The following NRG1 variants were observed in gnomAD, a reference collection of about 807,000 sequenced individuals.
NRG1 encodes neuregulin 1.
NRG1 carries 18 observed loss-of-function variants against 63.8 expected under a neutral mutation model. The observed-to-expected ratio is 0.28, with a 90% CI of 0.19 to 0.42. The LOEUF (loss-of-function observed/expected upper bound fraction) is 0.42. Among genes scored for constraint, NRG1 ranks in the 10% least tolerant of loss-of-function variants. The pLI is 1.00. For synonymous variants in NRG1, 302 were observed against 301.3 expected, an observed-to-expected ratio of 1.00 and a Z score of -0.02; for missense variants, 762 against 814.7, an observed-to-expected ratio of 0.94 and a Z score of 0.79.
chr8:32,660,369 G>T (rs1802550858), intron 5 of NRG1, among the ~76,000 whole-genome samples: 1 of 152,156 alleles, frequency 6.6e-6, no homozygotes, highest in Non-Finnish European at 1.5e-5. Flanking sequence ...TACACTGAGG[G>T]TAACTTGCTT....
chr8:32,760,823 C>T (rs1830560630), intron 11 of NRG1: 3 of 1,015,732 alleles, frequency 3.0e-6, no homozygotes, highest in East Asian at 8.6e-5. Context: ...GAGCTGGCCT[C>T]GTGTTCTTAT....
intron 5 of NRG1, among the ~76,000 whole-genome samples, chr8:32,642,564 A>G (rs1463207133): frequency 6.6e-6 from 1 of 152,218 alleles, no homozygotes; most frequent in Non-Finnish European, 1.5e-5. Context: ...GCAAGTTTTG[A>G]AAGTCAACTT....
At position 32,742,769 on chromosome 8, in the gene NRG1, G is replaced by A. The variant is rs1281378682; in HGVS notation, c.691+36G>A. Reference sequence around the variant, plus strand: ...TCCCTTTCTGTCTCTGCCTGAATAGGAGCATGCTCAGTTGGTGCTGCTTTC... The same window carrying A: ...TCCCTTTCTGTCTCTGCCTGAATAGAAGCATGCTCAGTTGGTGCTGCTTTC... On this transcript the variant is annotated intron_variant, in intron 7 of 11. Transcript: ENST00000356819. The surrounding 1 kb of genome is among the most constrained non-coding windows in gnomAD (Gnocchi z 4.2). 3 of 1,613,532 alleles carry A rather than the reference G, an allele frequency of 1.9e-6. No homozygotes were observed. The highest frequency in any genetic ancestry group is 2.2e-5 in the East Asian group (1 of 44,864).
intron 1 of NRG1, among the ~76,000 whole-genome samples, chr8:31,804,527 G>A (rs1193733774): frequency 6.6e-6 from 1 of 152,118 alleles, no homozygotes; most frequent in East Asian, 1.9e-4. Context: ...CAGGAACACA[G>A]AACCTATAAT....
At chr8:32,032,597 A>G (rs1458800613) in intron 1 of NRG1, among the ~76,000 whole-genome samples, 3 of 152,172 alleles carry the variant, frequency 2.0e-5, no homozygotes, top group African/African-American at 4.8e-5. Flanking sequence ...GTGTCTGTTC[A>G]TGTCCTTTGC....
intron 1 of NRG1, among the ~76,000 whole-genome samples, chr8:32,519,543 G>T (rs973647824): frequency 4.6e-5 from 7 of 152,018 alleles, no homozygotes; most frequent in Non-Finnish European, 1.0e-4. Flanking sequence ...CATTTTCAGA[G>T]TTGGATAGAA....
chr8:31,828,269 C>T (rs556534789), intron 1 of NRG1, among the ~76,000 whole-genome samples: 36 of 152,268 alleles, frequency 2.4e-4, no homozygotes, highest in African/African-American at 6.5e-4. Flanking sequence ...CAATAATTGA[C>T]GATGAGTGAC....
In NRG1 at chr8:31,960,343, G is replaced by A. The variant is rs140590242; in HGVS notation, c.37+320912G>A. ...TGTGGGAACAAACGAGTTCATATAG[G>A]GAGTGAGTGAGGAGGGAGACTTCAG... On this transcript the variant is annotated intron_variant, in intron 1 of 10. Coordinates refer to the NRG1 transcript ENST00000519301. 3.3e-3 allele frequency among the ~76,000 whole-genome samples: 502 copies of A among 152,234 alleles called. 2 individuals carry two copies. The highest frequency in any genetic ancestry group is 0.021 in the South Asian group (103 of 4,818).
intron 1 of NRG1, among the ~76,000 whole-genome samples, chr8:31,912,947 G>A (rs1833070694): frequency 6.6e-6 from 1 of 152,108 alleles, no homozygotes; most frequent in South Asian, 2.1e-4. Flanking sequence ...GTGCTGTTTT[G>A]ATGATAGGTA....
intron 1 of NRG1, among the ~76,000 whole-genome samples, chr8:32,101,545 G>A (rs1189281232): frequency 1.4e-5 from 2 of 147,032 alleles, no homozygotes; most frequent in African/African-American, 5.0e-5. Flanking sequence ...CCTAGACTGT[G>A]TTGTTTTCTT....
chr8:31,660,982 T>A (rs929596887), intron 1 of NRG1, among the ~76,000 whole-genome samples: 4 of 152,208 alleles, frequency 2.6e-5, no homozygotes, highest in African/African-American at 9.6e-5. Flanking sequence ...TTATAAATTT[T>A]TCTGACATGT....
At chr8:32,569,196 C>T (rs1838044683) in intron 1 of NRG1, among the ~76,000 whole-genome samples, 1 of 152,212 alleles carries the variant, frequency 6.6e-6, no homozygotes, top group Middle Eastern at 3.4e-3. Context: ...ATTACAGGCG[C>T]ACACCACCAC....
chr8:32,182,941 C>T (rs538214005), intron 1 of NRG1, among the ~76,000 whole-genome samples: 1 of 152,062 alleles, frequency 6.6e-6, no homozygotes, highest in East Asian at 1.9e-4. Flanking sequence ...TTATTTCTAT[C>T]AAGGAAATGG....
chr8:32,246,197 G>A (rs1292119615), intron 1 of NRG1, among the ~76,000 whole-genome samples: 1 of 152,172 alleles, frequency 6.6e-6, no homozygotes, highest in Non-Finnish European at 1.5e-5. Context: ...TATTTGCAAA[G>A]CATAGACTTC....
At chr8:32,399,630 C>T (rs1191051529) in intron 1 of NRG1, among the ~76,000 whole-genome samples, 1 of 152,076 alleles carries the variant, frequency 6.6e-6, no homozygotes, top group Non-Finnish European at 1.5e-5. Flanking sequence ...ACTTGAACCC[C>T]AGGGCAAAGG....
intron 1 of NRG1, among the ~76,000 whole-genome samples, chr8:31,644,103 A>T (rs911248643): frequency 5.9e-5 from 9 of 152,212 alleles, no homozygotes; most frequent in African/African-American, 2.2e-4. Context: ...ATGAAAGAAA[A>T]TGCTGCAGAG....
At chr8:32,462,005 T>C (rs1308867766) in intron 1 of NRG1, among the ~76,000 whole-genome samples, 1 of 152,176 alleles carries the variant, frequency 6.6e-6, no homozygotes, top group Admixed American at 6.6e-5. Context: ...TTTGGCACCC[T>C]GTTTCCTTGC....
chr8:32,456,837 G>A (rs1821656092), intron 1 of NRG1, among the ~76,000 whole-genome samples: 1 of 152,040 alleles, frequency 6.6e-6, no homozygotes, highest in Non-Finnish European at 1.5e-5. Flanking sequence ...GACACTGGAA[G>A]AAATTAGATC....
At chr8:32,032,793 T>A (rs1156874044) in intron 1 of NRG1, among the ~76,000 whole-genome samples, 1 of 152,236 alleles carries the variant, frequency 6.6e-6, no homozygotes, top group Non-Finnish European at 1.5e-5. Context: ...ATCTCATTTT[T>A]AAATTTCTGC....
Sources: gnomAD v4.1 joint callset for allele counts (sites outside exome capture counted in the v4.1 genomes callset) on GRCh38, gnomAD v4.1.1 for gene constraint, Gnocchi (gnomAD v3.1) non-coding constraint, MANE v1.5 for transcripts, NCBI Gene and HGNC (gene_info 2026-07-23, HGNC 2026-07-21) for gene names.